LTBP1: variants seen among roughly 807,000 people sequenced by gnomAD.
LTBP1 encodes latent-transforming growth factor beta-binding protein 1.
Under a neutral mutation model 207.6 loss-of-function variants are expected in LTBP1, and 129 were observed. The ratio of observed to expected loss-of-function variants is 0.62; its 90% CI spans 0.54 to 0.72. The LOEUF is 0.72. Among genes scored for constraint, LTBP1 ranks in the 30% least tolerant of loss-of-function variants. The pLI, the probability that LTBP1 is intolerant of heterozygous loss-of-function variation, is 0.00. For synonymous variants in LTBP1, 963 were observed against 833.7 expected (o/e 1.16, Z -2.67); for missense variants, 2,281 against 2,217.2 (o/e 1.03, Z -0.58).
intron 7 of LTBP1, among the ~76,000 whole-genome samples, chr2:33,200,013 G>A (rs1014972810): frequency 2.6e-5 from 4 of 152,020 alleles, no homozygotes; most frequent in African/African-American, 9.7e-5. Context: ...ATGCTCATGG[G>A]TAGGAAGAAT....
At chr2:33,165,705 CATT>C (rs746294564) in intron 5 of LTBP1, among the ~76,000 whole-genome samples, 78 of 152,178 alleles carry the variant, frequency 5.1e-4, no homozygotes, top group Non-Finnish European at 9.3e-4. Context: ...TTATCATCAT[CATT>C]ATTATTATCA....
chr2:33,226,604 A>G (rs1028107226), intron 9 of LTBP1, among the ~76,000 whole-genome samples: 7 of 151,650 alleles, frequency 4.6e-5, no homozygotes, highest in Non-Finnish European at 2.9e-5. Context: ...TATATTTAAT[A>G]CTCACTCTTA....
chr2:33,165,943 A>T lies in LTBP1; in HGVS notation c.1202-20913A>T, dbSNP rs138240596. Among the ~76,000 whole-genome samples, 535 of 152,294 alleles carry T rather than the reference A, an allele frequency of 3.5e-3. 5 individuals carry two copies. Among genetic ancestry groups the T allele is most frequent in the African/African-American group, 0.012 (514 of 41,564 alleles). ...GTATGGAGCCTATTAGTACAATTAA[A>T]GGTGTAAAATGCATTCTTCTTTCCC... On this transcript the variant is annotated intron_variant, in intron 5 of 33. Transcript: ENST00000404816.
intron 3 of LTBP1, among the ~76,000 whole-genome samples, chr2:33,056,138 G>A (rs528514913): frequency 6.6e-4 from 101 of 152,174 alleles, no homozygotes; most frequent in Non-Finnish European, 9.7e-4. Flanking sequence ...TCAGGTGGCC[G>A]TTTTTCCCCA....
intron 2 of LTBP1, among the ~76,000 whole-genome samples, chr2:32,967,247 T>C (rs1424072523): frequency 6.6e-6 from 1 of 152,108 alleles, no homozygotes; most frequent in East Asian, 1.9e-4. Flanking sequence ...TCAATTATAT[T>C]GATGATTTCA....
Position 33,233,743 on chromosome 2 carries a change from A to T in LTBP1, c.1877-9919A>T, listed in dbSNP as rs187973550. Among the ~76,000 whole-genome samples the T allele has an allele frequency of 3.9e-3, 594 of 152,268 alleles. 5 individuals carry two copies. Among genetic ancestry groups the T allele is most frequent in the African/African-American group, 0.014 (562 of 41,572 alleles). ...TTTTTATGATACTGTTTGCATAAGA[A>T]TGTGATAATTTTCCTTTTTCTAATA... On this transcript the variant is annotated intron_variant, in intron 9 of 33. Coordinates refer to ENST00000404816, the MANE Select transcript of LTBP1 (RefSeq NM_206943.4).
intron 4 of LTBP1, among the ~76,000 whole-genome samples, chr2:33,111,308 G>A (rs1558650557): frequency 6.6e-6 from 1 of 152,198 alleles, no homozygotes; most frequent in Non-Finnish European, 1.5e-5. Flanking sequence ...ACAAGGCCTG[G>A]CTCAAAGGGT....
rs182232281 is a variant in LTBP1 at position 33,306,340 on chromosome 2, C to T, written c.3482-3094C>T. On this transcript the variant is annotated intron_variant, in intron 22 of 33. Transcript: ENST00000404816. ...ATCCCAGCACTTTGGGAGGCCGAGGCGGGTGAATCACTTGAGGTCAGGAGT... is the reference window on the plus strand; with the variant it reads ...ATCCCAGCACTTTGGGAGGCCGAGGTGGGTGAATCACTTGAGGTCAGGAGT... 5.6e-4 allele frequency among the ~76,000 whole-genome samples: 85 copies of T among 152,150 alleles called. 2 individuals are homozygous for T. Among genetic ancestry groups the T allele is most frequent in the African/African-American group, 1.9e-3 (79 of 41,520 alleles).
At chr2:33,173,757 T>A (rs978791107) in intron 5 of LTBP1, among the ~76,000 whole-genome samples, 20 of 144,432 alleles carry the variant, frequency 1.4e-4, no homozygotes, top group Non-Finnish European at 2.5e-4. Flanking sequence ...AAATCCTCAA[T>A]AAAATACTGG....
chr2:33,158,071 G>T (rs2084127499), intron 5 of LTBP1, among the ~76,000 whole-genome samples: 1 of 143,318 alleles, frequency 7.0e-6, no homozygotes, highest in Non-Finnish European at 1.5e-5. Flanking sequence ...GAGAGGCGGT[G>T]ATTGCAGCAA....
At chr2:32,999,422 A>G (rs369615553) in intron 2 of LTBP1, among the ~76,000 whole-genome samples, 1 of 79,304 alleles carries the variant, frequency 1.3e-5, no homozygotes, top group East Asian at 1.8e-3. Flanking sequence ...ACCCCGGTCT[A>G]AGAGTTGGTG....
At chr2:32,986,059 T>C (rs1683516133) in intron 2 of LTBP1, among the ~76,000 whole-genome samples, 1 of 152,188 alleles carries the variant, frequency 6.6e-6, no homozygotes, top group South Asian at 2.1e-4. Flanking sequence ...GCCTAGTACA[T>C]GGTAAGTATT....
intron 26 of LTBP1, among the ~76,000 whole-genome samples, chr2:33,355,309 A>G (rs779040024): frequency 8.6e-5 from 13 of 151,976 alleles, no homozygotes; most frequent in Non-Finnish European, 1.9e-4. Context: ...AAGGGGGCTT[A>G]GTTCCAGGGC....
chr2:33,037,784 C>G (rs1328633440), intron 3 of LTBP1, among the ~76,000 whole-genome samples: 1 of 152,166 alleles, frequency 6.6e-6, no homozygotes, highest in Non-Finnish European at 1.5e-5. Context: ...GTGGCATGAC[C>G]ATGGCTCACT....
At chr2:33,113,901 C>A (rs1386827625) in intron 4 of LTBP1, among the ~76,000 whole-genome samples, 1 of 152,168 alleles carries the variant, frequency 6.6e-6, no homozygotes, top group Non-Finnish European at 1.5e-5. Flanking sequence ...AGTGCAGTGG[C>A]ATGATCTCAG....
intron 5 of LTBP1, among the ~76,000 whole-genome samples, chr2:33,166,200 A>G (rs1042386670): frequency 6.6e-6 from 1 of 152,134 alleles, no homozygotes; most frequent in Non-Finnish European, 1.5e-5. Context: ...ATTTCATTAT[A>G]TATCGGTTAA....
At chr2:32,984,049 T>C (rs2148761170) in intron 2 of LTBP1, among the ~76,000 whole-genome samples, 1 of 152,356 alleles carries the variant, frequency 6.6e-6, no homozygotes, top group Non-Finnish European at 1.5e-5. Flanking sequence ...ATTATGAAGA[T>C]GACACTGTAC....
intron 3 of LTBP1, among the ~76,000 whole-genome samples, chr2:33,064,679 T>G (rs1288507436): frequency 1.3e-5 from 2 of 152,202 alleles, no homozygotes; most frequent in African/African-American, 2.4e-5. Context: ...AACAAATCTT[T>G]CCTTTGCCAC....
chr2:33,098,062 A>G (rs1015728128), intron 3 of LTBP1, among the ~76,000 whole-genome samples: 1 of 152,206 alleles, frequency 6.6e-6, no homozygotes, highest in Admixed American at 6.5e-5. Context: ...TGTTTCTATT[A>G]GGGATTCCAG....
Sources: allele counts gnomAD v4.1 joint callset (sites outside exome capture counted in the v4.1 genomes callset), GRCh38; gene constraint gnomAD v4.1.1; transcripts MANE v1.5; gene names NCBI Gene and HGNC (gene_info 2026-07-23, HGNC 2026-07-21).